The following TTC7B variants were observed in gnomAD, a reference collection of about 807,000 sequenced individuals.
TTC7B encodes tetratricopeptide repeat domain 7B, also known as tetratricopeptide repeat protein 7B.
In TTC7B, 28 loss-of-function variants were observed where a neutral mutation model predicts 106.8. The ratio of observed to expected loss-of-function variants is 0.26; its 90% CI spans 0.19 to 0.36. The LOEUF is 0.36. TTC7B is among the 10% of genes least tolerant of loss of function. The pLI is 1.00. For synonymous variants in TTC7B, 405 were observed against 430.6 expected (o/e 0.94, Z 0.74); for missense variants, 862 against 1,076.4 (o/e 0.80, Z 2.79).
rs1000988851 is a variant in TTC7B at position 90,608,346 on chromosome 14, G to T, written c.1966+2396C>A. Among the ~76,000 whole-genome samples, 37 of 152,136 alleles carry T rather than the reference G, an allele frequency of 2.4e-4. No homozygotes were observed. The highest frequency in any genetic ancestry group is 8.2e-4 in the African/African-American group (34 of 41,416). Reference sequence around the variant, plus strand: ...GATTCCCTGGTCTCTTGGTTAAATTGTCGGCGTGCAAATCAGTATTTTGCA... The same window carrying T: ...GATTCCCTGGTCTCTTGGTTAAATTTTCGGCGTGCAAATCAGTATTTTGCA... On this transcript the variant is annotated intron_variant, in intron 17 of 19. Transcript: ENST00000328459. This position sits in a 1 kb window ranked among gnomAD's most constrained non-coding sequence, Gnocchi z 5.1.
rs756766726 is a variant in TTC7B, at chr14:90,655,092, A to G, written c.1360T>C (p.Phe454Leu). 2 of 1,614,038 alleles carry G rather than the reference A, an allele frequency of 1.2e-6. No individual in the cohort carries two copies. The highest frequency in any genetic ancestry group is 1.7e-6 in the Non-Finnish European group (2 of 1,179,924). Residue 454 changes from phenylalanine to leucine, a missense_variant, in exon 12 of 20, where the codon TTT becomes CTT. Phe to Leu is a conservative substitution (Grantham distance 22, BLOSUM62 0). Coordinates refer to ENST00000328459, the MANE Select transcript of TTC7B (RefSeq NM_001010854.2). The stretch of plus-strand genomic sequence containing the variant: ...CCCACATCAACGACAGTTTTGGCAA[A>G]CTTTTCAGCCTCTTCCAACTGAAAA... ...SLHWLEEAEK[F>L]AKTVVDVGEK...
At chr14:90,638,041 CT>C (rs1885017961) in intron 15 of TTC7B, among the ~76,000 whole-genome samples, 2 of 151,182 alleles carry the variant, frequency 1.3e-5, no homozygotes, top group Admixed American at 1.3e-4. Context: ...GCCATCACAT[CT>C]GGCTACCCTT....
At chr14:90,733,466 A>G (rs1414854010) in intron 4 of TTC7B, among the ~76,000 whole-genome samples, 1 of 152,242 alleles carries the variant, frequency 6.6e-6, no homozygotes. Context: ...AAGACGCAAG[A>G]GAAGCCTTGG....
intron 18 of TTC7B, among the ~76,000 whole-genome samples, chr14:90,581,006 G>A (rs575085035): frequency 6.6e-6 from 1 of 152,264 alleles, no homozygotes; most frequent in Non-Finnish European, 1.5e-5. Context: ...TCACTTTCCT[G>A]GTGATATTTG....
At position 90,644,124 on chromosome 14, in the gene TTC7B, G is replaced by A. The variant is rs770713403; in HGVS notation, c.1675C>T (p.Leu559=). 33 of 1,613,992 alleles carry A rather than the reference G, an allele frequency of 2.0e-5. 1 individual carries two copies. In the East Asian group the frequency reaches 5.3e-4, roughly 26 times the overall value. Residue 559 remains leucine (L), a synonymous_variant, in exon 15 of 20, where the codon CTG becomes TTG. Transcript: ENST00000328459. ...TCATGGTAATGCTTCTGTGCTGACA[G>A]CAGGAGGGCAAGGAGGTGCAGGGAG... ...ANSLHLLALL[L]SAQKHYHDAL... is the part of the protein sequence containing the mutation.
chr14:90,677,716 C>A, intron 8 of TTC7B: 1 of 386,762 alleles, frequency 2.6e-6, no homozygotes, highest in South Asian at 1.9e-5. Context: ...CCCTGACATT[C>A]AGAAAGGCCA....
intron 19 of TTC7B, among the ~76,000 whole-genome samples, chr14:90,565,790 C>A (rs146692026): frequency 6.6e-6 from 1 of 152,194 alleles, no homozygotes; most frequent in Non-Finnish European, 1.5e-5. Context: ...TATTAATGAT[C>A]CTCATTTCAA....
chr14:90,680,411 A>G (rs1208150779), intron 8 of TTC7B, 61 bp downstream of exon 8: 2 of 1,252,838 alleles, frequency 1.6e-6, no homozygotes, highest in African/African-American at 3.0e-5. Flanking sequence ...CAGAATGGCT[A>G]TATCAAAAAA....
At chr14:90,700,345 G>A (rs1342948761) in intron 5 of TTC7B, among the ~76,000 whole-genome samples, 1 of 152,184 alleles carries the variant, frequency 6.6e-6, no homozygotes, top group African/African-American at 2.4e-5. Flanking sequence ...ACCCAGGGCT[G>A]AGGCCAGCCT....
intron 7 of TTC7B, among the ~76,000 whole-genome samples, chr14:90,682,185 G>A (rs1428404967): frequency 6.6e-6 from 1 of 152,084 alleles, no homozygotes; most frequent in Admixed American, 6.6e-5. Context: ...AAGACAGACA[G>A]CCTATGCTAA....
At chr14:90,672,011 A>G (rs1356205598) in intron 9 of TTC7B, among the ~76,000 whole-genome samples, 2 of 152,220 alleles carry the variant, frequency 1.3e-5, no homozygotes, top group Non-Finnish European at 2.9e-5. Context: ...AAGGGTGCCA[A>G]GGACAGGAGA....
chr14:90,559,673 A>G (rs977777208), intron 19 of TTC7B, among the ~76,000 whole-genome samples: 3 of 151,896 alleles, frequency 2.0e-5, no homozygotes, highest in African/African-American at 7.2e-5. Context: ...AACACACACG[A>G]TTCTCACAGC....
Position 90,578,235 on chromosome 14 carries a change from T to C in TTC7B, c.2181A>G (p.Pro727=), listed in dbSNP as rs374164976. Residue 727 remains proline (P), a synonymous_variant, in exon 19 of 20, where the codon CCA becomes CCG. Coordinates refer to ENST00000328459, the MANE Select transcript of TTC7B (RefSeq NM_001010854.2). The surrounding 1 kb of genome is among the most constrained non-coding windows in gnomAD (Gnocchi z 4.7). ...GCATGTAGAGGACATTGTGGGACATTGGGAAGAGGTTGGCAGCTTCTTGGG... is the reference window on the plus strand; with the variant it reads ...GCATGTAGAGGACATTGTGGGACATCGGGAAGAGGTTGGCAGCTTCTTGGG... ...ACTQEAANLF[P]MSHNVLYMRG... is the part of the protein sequence containing the mutation. 1.2e-6 allele frequency: 2 copies of C among 1,614,192 alleles called. No homozygotes were observed. Among genetic ancestry groups the C allele is most frequent in the Non-Finnish European group, 1.7e-6 (2 of 1,180,042 alleles).
rs1378855380 is a variant in TTC7B at position 90,578,386 on chromosome 14, G to A, written c.2108-78C>T. 2.3e-5 allele frequency: 34 copies of A among 1,462,710 alleles called. 1 individual carries two copies. The highest frequency in any genetic ancestry group is 1.9e-4 in the South Asian group (16 of 82,824). 90.6% of individuals were successfully genotyped at this position (1,462,710 alleles called of 1,614,324 possible). A position where few individuals can be genotyped will look rare whatever the true frequency, so the allele number is the denominator to read the frequency against. ...GCGAGCAGCCACCACTCTGATGTTC[G>A]TGTTCCCTGCACGGGAGTCTGGCGG... On this transcript the variant is annotated intron_variant, in intron 18 of 19. Transcript: ENST00000328459. This position sits in a 1 kb window ranked among gnomAD's most constrained non-coding sequence, Gnocchi z 4.7.
chr14:90,619,149 A>G (rs1212940955), intron 15 of TTC7B, among the ~76,000 whole-genome samples: 1 of 152,200 alleles, frequency 6.6e-6, no homozygotes, highest in Non-Finnish European at 1.5e-5. Flanking sequence ...TGATCCTCCC[A>G]AAGTGCTGGG....
chr14:90,605,237 C>T (rs1191310959), intron 17 of TTC7B, among the ~76,000 whole-genome samples: 4 of 152,138 alleles, frequency 2.6e-5, no homozygotes, highest in African/African-American at 4.8e-5. Flanking sequence ...AAATTGAAAA[C>T]GGGAGTTTTT....
chr14:90,618,245 G>A (rs548563341), intron 15 of TTC7B, among the ~76,000 whole-genome samples, 200 bp from the exon 16 acceptor site: 7 of 152,228 alleles, frequency 4.6e-5, no homozygotes, highest in Admixed American at 2.0e-4. Flanking sequence ...CACCACTAAC[G>A]CAAATGCAAG....
At chr14:90,618,086 G>T in intron 15 of TTC7B, 41 bp from the exon 16 acceptor site, 1 of 1,457,630 alleles carries the variant, frequency 6.9e-7, no homozygotes, top group Non-Finnish European at 9.6e-7. Flanking sequence ...CACGGCTCAA[G>T]CCACAGAGTC....
rs1676934019 is a variant in TTC7B, at chr14:90,570,050, C to G, written c.2310+8056G>C. ...GGTGACTCCCTCCACCAAGGGCCCT[C>G]AAGCACAGGCTCTCCTCCAGCCTTT... On this transcript the variant is annotated intron_variant, in intron 19 of 19. Coordinates refer to ENST00000328459, the MANE Select transcript of TTC7B (RefSeq NM_001010854.2). This position sits in a 1 kb window ranked among gnomAD's most constrained non-coding sequence, Gnocchi z 4.0. 6.6e-6 allele frequency: 1 copy of G among 152,282 alleles called. No homozygotes were observed. Among genetic ancestry groups the G allele is most frequent in the South Asian group, 2.1e-4 (1 of 4,822 alleles). 9.4% of individuals were successfully genotyped at this position (152,282 alleles called of 1,614,324 possible).
Sources: gnomAD v4.1 joint callset for allele counts (sites outside exome capture counted in the v4.1 genomes callset) on GRCh38, gnomAD v4.1.1 for gene constraint, Gnocchi (gnomAD v3.1) non-coding constraint, MANE v1.5 for transcripts, NCBI Gene and HGNC (gene_info 2026-07-23, HGNC 2026-07-21) for gene names.